BTN3A3: variants seen among roughly 807,000 people sequenced by gnomAD.
BTN3A3 encodes the protein butyrophilin 3.
A neutral mutation model predicts 43.2 loss-of-function variants in BTN3A3; 39 were observed. That is an observed-to-expected ratio of 0.90 (90% CI 0.70 to 1.18). BTN3A3 has a LOEUF of 1.18. BTN3A3 is among the 50% of genes most tolerant of loss of function. The probability of loss-of-function intolerance (pLI) is 0.00; values close to 1 mark genes in which losing one functional copy is unlikely to be tolerated. For missense variants in BTN3A3, 631 were observed against 722.8 expected, an observed-to-expected ratio of 0.87 and a Z score of 1.46; for synonymous variants, 255 against 272.7, an observed-to-expected ratio of 0.93 and a Z score of 0.64.
Position 26,452,451 on chromosome 6 carries a change from T to C in BTN3A3, c.*40T>C. 1 of 1,514,186 alleles carries C rather than the reference T, an allele frequency of 6.6e-7. No homozygotes were observed. Among genetic ancestry groups the C allele is most frequent in the East Asian group, 2.3e-5 (1 of 43,594 alleles). 93.8% of individuals were successfully genotyped at this position (1,514,186 alleles called of 1,614,324 possible). ...TTCCATATGACAGTTGTTTTGAGTT[T>C]CGTACCACCTTATTGTCCCCTTATA... On this transcript the variant is annotated 3_prime_UTR_variant, in exon 11 of 11. Transcript: ENST00000244519.
In BTN3A3 at chr6:26,451,829, A is replaced by G. The variant is rs1226938598; in HGVS notation, c.1173A>G (p.Thr391=). The change falls in exon 11 of 11, where the codon ACA becomes ACG. Residue 391 remains threonine, a synonymous_variant. Coordinates refer to ENST00000244519, the MANE Select transcript of BTN3A3 (RefSeq NM_006994.5). ...GTGTCCTTGGCTGTGAAAACTTCAC[A>G]TCAGGGAGACATTACTGGGAGGTGG... ...RYCVLGCENF[T]SGRHYWEVEV... is the part of the protein sequence containing the mutation. 6.8e-6 allele frequency: 11 copies of G among 1,613,982 alleles called. No individual in the cohort carries two copies. The highest frequency in any genetic ancestry group is 1.3e-5 in the African/African-American group (1 of 74,940).
At chr6:26,441,783 GA>G (rs1372875578) in intron 1 of BTN3A3, among the ~76,000 whole-genome samples, 1 of 151,910 alleles carries the variant, frequency 6.6e-6, no homozygotes, top group East Asian at 1.9e-4. Flanking sequence ...CTCCCACCTT[GA>G]CCATCCAAAT....
In BTN3A3 at chr6:26,443,378, A is replaced by G; in HGVS notation, c.-66-4A>G. The G allele has an allele frequency of 2.3e-6, 3 of 1,296,742 alleles. No individual in the cohort carries two copies. Among genetic ancestry groups the G allele is most frequent in the African/African-American group, 1.5e-5 (1 of 65,870 alleles). 80.3% of individuals were successfully genotyped at this position (1,296,742 alleles called of 1,614,324 possible). A position where few individuals can be genotyped will look rare whatever the true frequency, so the allele number is the denominator to read the frequency against. ...TGATCAGATAACAGATATTATTTTT[A>G]CAGATGGTTTTCCATACTGGAACCC... is the stretch of plus-strand genomic sequence containing the variant. On this transcript the variant is annotated splice_polypyrimidine_tract_variant and splice_region_variant and intron_variant, in intron 1 of 10. Coordinates refer to ENST00000244519, the MANE Select transcript of BTN3A3 (RefSeq NM_006994.5).
chr6:26,451,490 C>T (rs1017520864), intron 10 of BTN3A3, among the ~76,000 whole-genome samples, 185 bp from the exon 11 acceptor site: 1 of 152,092 alleles, frequency 6.6e-6, no homozygotes, highest in African/African-American at 2.4e-5. Context: ...CTTTCATTTC[C>T]CCTCTGGACA....
chr6:26,448,925 G>GTC (rs1762855389), intron 8 of BTN3A3, among the ~76,000 whole-genome samples, 171 bp downstream of exon 8: 1 of 151,762 alleles, frequency 6.6e-6, no homozygotes. Context: ...CCCAGAAGGA[G>GTC]TCTCTCTCTC....
At chr6:26,444,618 T>G (rs1023136994) in intron 4 of BTN3A3, 27 of 508,792 alleles carry the variant, frequency 5.3e-5, no homozygotes, top group Non-Finnish European at 8.8e-5. Context: ...CATTTTGGTT[T>G]AGTCATGTAA....
At chr6:26,449,455 G>A in intron 8 of BTN3A3, 1 of 609,162 alleles carries the variant, frequency 1.6e-6, no homozygotes, top group East Asian at 2.8e-5. Context: ...CTCTCACAGT[G>A]ACTGCCCTGC....
At chr6:26,450,025 A>C in intron 9 of BTN3A3, 82 bp from the exon 10 acceptor site, 1 of 1,459,570 alleles carries the variant, frequency 6.9e-7, no homozygotes, top group South Asian at 1.2e-5. Context: ...AAAGGAGAGA[A>C]AACGTGTAGT....
chr6:26,446,144 A>C (rs981261979), intron 5 of BTN3A3, among the ~76,000 whole-genome samples, 159 bp downstream of exon 5: 1 of 152,184 alleles, frequency 6.6e-6, no homozygotes, highest in African/African-American at 2.4e-5. Flanking sequence ...TCACTGCTTT[A>C]GGGGAGCTTC....
chr6:26,449,806 C>T (rs999134588), intron 9 of BTN3A3, 118 bp downstream of exon 9: 21 of 1,312,016 alleles, frequency 1.6e-5, no homozygotes, highest in South Asian at 5.0e-5. Flanking sequence ...AACCCTTAGA[C>T]TCAATTTTGC....
chr6:26,447,661 T>A (rs1762815016), intron 5 of BTN3A3, among the ~76,000 whole-genome samples: 1 of 152,116 alleles, frequency 6.6e-6, no homozygotes. Flanking sequence ...CTGCAGCCCA[T>A]TAGGCCCTTT....
chr6:26,447,773 C>A (rs1404544225), intron 5 of BTN3A3, among the ~76,000 whole-genome samples: 6 of 152,104 alleles, frequency 3.9e-5, no homozygotes, highest in Non-Finnish European at 5.9e-5. Context: ...TGTAAGTAGT[C>A]CAACATCACA....
At chr6:26,447,320 A>T (rs1002786130) in intron 5 of BTN3A3, among the ~76,000 whole-genome samples, 4 of 152,170 alleles carry the variant, frequency 2.6e-5, no homozygotes, top group Non-Finnish European at 4.4e-5. Flanking sequence ...TTACATTTTT[A>T]AAATTTAACA....
Position 26,452,074 on chromosome 6 carries a change from C to T in BTN3A3, c.1418C>T (p.Ser473Leu), listed in dbSNP as rs138799361. 245 of 1,614,096 alleles carry T rather than the reference C, an allele frequency of 1.5e-4. 1 individual carries two copies. The highest frequency in any genetic ancestry group is 3.3e-4 in the Middle Eastern group (2 of 6,062). The change falls in exon 11 of 11, where the codon TCG becomes TTG. Residue 473 changes from serine (S) to leucine (L), a missense_variant. Physicochemically the swap from Ser to Leu is moderately radical, Grantham distance 145 (BLOSUM62 -2). Around this residue, in one of 2 missense-constraint regions of BTN3A3, gnomAD observed 551 missense variants for 584.0 expected, o/e 0.94. Coordinates refer to ENST00000244519, the MANE Select transcript of BTN3A3 (RefSeq NM_006994.5). Reference protein sequence around the residue: ...IFLDYETGEISFYNATDGSHI... With the variant: ...IFLDYETGEILFYNATDGSHI... ...CTGGACTATGAGACTGGAGAGATCT[C>T]GTTCTATAATGCCACAGATGGATCT... is the stretch of plus-strand genomic sequence containing the variant.
chr6:26,445,766 T>C lies in BTN3A3; in HGVS notation c.496T>C (p.Cys166Arg), dbSNP rs1288103135. The C allele has an allele frequency of 1.5e-5, 24 of 1,613,918 alleles. No homozygotes were observed. The highest frequency in any genetic ancestry group is 1.6e-4 in the Middle Eastern group (1 of 6,084). Residue 166 changes from cysteine (C) to arginine (R), a missense_variant, in exon 5 of 11, where the codon TGC becomes CGC. Transcript: ENST00000244519. ...GYEDGGIHLE[C>R]RSTGWYPQPQ... ...TGAGGATGGAGGGATCCATCTGGAGTGCAGGTCCACTGGCTGGTACCCCCA... is the reference window on the plus strand; with the variant it reads ...TGAGGATGGAGGGATCCATCTGGAGCGCAGGTCCACTGGCTGGTACCCCCA...
rs750141148 is a variant in BTN3A3 at position 26,452,293 on chromosome 6, A to C, written c.1637A>C (p.Glu546Ala). ...CCGGGCTTAGCTAATGAAAGTGGGGAGCCTCAGGCTGAAGTAACATCTCTG... is the reference window on the plus strand; with the variant it reads ...CCGGGCTTAGCTAATGAAAGTGGGGCGCCTCAGGCTGAAGTAACATCTCTG... ...LTPGLANESGEPQAEVTSLLL... is the reference protein window; with the variant it reads ...LTPGLANESGAPQAEVTSLLL... Residue 546 changes from glutamate to alanine, a missense_variant, in exon 11 of 11, where the codon GAG (glutamate) becomes GCG (alanine). By Grantham distance (107) the Glu-to-Ala change is moderately radical. Around this residue, in one of 2 missense-constraint regions of BTN3A3, gnomAD observed 551 missense variants for 584.0 expected, o/e 0.94. Transcript: ENST00000244519. 2.5e-6 allele frequency: 4 copies of C among 1,613,904 alleles called. No individual in the cohort carries two copies. In the East Asian group the frequency reaches 6.7e-5, roughly 27 times the overall value.
rs759099373 is a variant in BTN3A3 at position 26,452,136 on chromosome 6, C to A, written c.1480C>A (p.Pro494Thr). Residue 494 changes from proline (P) to threonine (T), a missense_variant, in exon 11 of 11, where the codon CCT (proline) becomes ACT (threonine). Physicochemically the swap from Pro to Thr is conservative, Grantham distance 38 (BLOSUM62 -1). Around this residue, in one of 2 missense-constraint regions of BTN3A3, gnomAD observed 551 missense variants for 584.0 expected, o/e 0.94. Transcript: ENST00000244519. Reference sequence around the variant, plus strand: ...CTTTCCGCACGCCTCTTTCTCTGAGCCTCTATATCCTGTTTTCAGAATTTT... The same window carrying A: ...CTTTCCGCACGCCTCTTTCTCTGAGACTCTATATCCTGTTTTCAGAATTTT... The part of the protein sequence containing the change: ...YTFPHASFSE[P>T]LYPVFRILTL... The A allele has an allele frequency of 1.2e-6, 2 of 1,614,162 alleles. No individual in the cohort carries two copies. Among genetic ancestry groups the A allele is most frequent in the South Asian group, 1.1e-5 (1 of 91,084 alleles).
rs1028608102 is a variant in BTN3A3, at chr6:26,443,624, C to T, written c.50C>T (p.Ser17Phe). Reference protein sequence around the residue: ...LAFLLLNFHVSLFLVQLLTPC... With the variant: ...LAFLLLNFHVFLFLVQLLTPC... Reference sequence around the variant, plus strand: ...TTCCTTCTGCTCAACTTTCATGTCTCCCTCTTCTTGGTCCAGCTGCTCACT... The same window carrying T: ...TTCCTTCTGCTCAACTTTCATGTCTTCCTCTTCTTGGTCCAGCTGCTCACT... The change falls in exon 3 of 11, where the codon TCC (serine) becomes TTC (phenylalanine). Residue 17 changes from serine to phenylalanine, a missense_variant. This residue lies in a region of BTN3A3 where 80 missense variants were observed against 138.7 expected (regional missense o/e 0.58). Transcript: ENST00000244519. 9.9e-6 allele frequency: 16 copies of T among 1,614,102 alleles called. No individual in the cohort carries two copies. Among genetic ancestry groups the T allele is most frequent in the African/African-American group, 1.3e-5 (1 of 74,922 alleles).
Position 26,443,370 on chromosome 6 carries a change from T to C in BTN3A3, c.-66-12T>C, listed in dbSNP as rs567034962. 2.6e-4 allele frequency: 322 copies of C among 1,255,298 alleles called. 3 individuals carry two copies. The South Asian group carries it at 3.7e-3, about 14-fold the overall frequency. The allele number at this position is 1,255,298 out of a possible 1,614,324, so 77.8% of individuals were successfully genotyped here. A position where few individuals can be genotyped will look rare whatever the true frequency, so the allele number is the denominator to read the frequency against. ...AGATGTCCTGATCAGATAACAGATA[T>C]TATTTTTACAGATGGTTTTCCATAC... On this transcript the variant is annotated splice_polypyrimidine_tract_variant and intron_variant, in intron 1 of 10. Coordinates refer to ENST00000244519, the MANE Select transcript of BTN3A3 (RefSeq NM_006994.5).
Sources: allele counts gnomAD v4.1 joint callset (sites outside exome capture counted in the v4.1 genomes callset), GRCh38; gene constraint gnomAD v4.1.1; regional missense constraint gnomAD v4.1.1; transcripts MANE v1.5; gene names NCBI Gene and HGNC (gene_info 2026-07-23, HGNC 2026-07-21).